The following GOLGA8B variants were observed in gnomAD, a reference collection of about 807,000 sequenced individuals.
The protein encoded by GOLGA8B is golgin A8 family member B.
GOLGA8B carries 1 observed loss-of-function variant against 15.6 expected under a neutral mutation model. The ratio of observed to expected loss-of-function variants is 0.06; its 90% CI spans 0.02 to 0.30. The LOEUF (loss-of-function observed/expected upper bound fraction) is 0.30. Among genes scored for constraint, GOLGA8B ranks in the 10% least tolerant of loss-of-function variants. The probability of loss-of-function intolerance (pLI) is 1.00; values close to 1 mark genes in which losing one functional copy is unlikely to be tolerated. For synonymous variants in GOLGA8B, 9 were observed against 80.3 expected (o/e 0.11, Z 4.75); for missense variants, 17 against 201.3 (o/e 0.08, Z 5.54).
intron 4 of GOLGA8B, among the ~76,000 whole-genome samples, chr15:34,550,846 T>A (rs1392556145): frequency 7.1e-6 from 1 of 140,224 alleles, no homozygotes; most frequent in African/African-American, 2.8e-5. Flanking sequence ...ATCTAAAAAA[T>A]TAGCCTGGTG....
At chr15:34,576,042 G>C (rs1257593873) in intron 1 of GOLGA8B, among the ~76,000 whole-genome samples, 2 of 152,234 alleles carry the variant, frequency 1.3e-5, no homozygotes, top group Non-Finnish European at 2.9e-5. Flanking sequence ...ACTGAGAGGT[G>C]AATGACGGGA....
Position 34,575,103 on chromosome 15 carries a change from T to C in GOLGA8B, c.-1123+8413A>G, listed in dbSNP as rs2044606756. Among the ~76,000 whole-genome samples, 6 of 78,928 alleles carry C rather than the reference T, an allele frequency of 7.6e-5. No homozygotes were observed. The South Asian group carries it at 2.7e-3, about 36-fold the overall frequency. 51.8% of individuals were successfully genotyped at this position (78,928 alleles called of 152,430 possible). On this transcript the variant is annotated intron_variant, in intron 1 of 23. Coordinates refer to ENST00000683415, the MANE Select transcript of GOLGA8B (RefSeq NM_001023567.5). ...TTTAATCTAGAAATCCTATAAATCC[T>C]TGTAAAAAAAAAAAAAAGAAGGGTA...
intron 7 of GOLGA8B, among the ~76,000 whole-genome samples, chr15:34,542,560 G>GT (rs1888224398): frequency 6.6e-6 from 1 of 151,776 alleles, no homozygotes; most frequent in South Asian, 2.1e-4. Context: ...TCTCCCTGTG[G>GT]TTTTATCAGT....
At chr15:34,578,599 T>C (rs189217631) in intron 1 of GOLGA8B, among the ~76,000 whole-genome samples, 1 of 152,332 alleles carries the variant, frequency 6.6e-6, no homozygotes. Flanking sequence ...CCCAGCCTCC[T>C]CGTCGCGAAG....
chr15:34,525,788 T>A lies in GOLGA8B; in HGVS notation c.*1844A>T, dbSNP rs11558446. 18,756 of 149,146 alleles carry A rather than the reference T, an allele frequency of 0.13. 2,551 individuals carry two copies. The highest frequency in any genetic ancestry group is 0.19 in the Non-Finnish European group (12,499 of 66,974). The allele number at this position is 149,146 out of a possible 1,614,324, so 9.2% of individuals were successfully genotyped here. ...CCCTCTTTCAGTGAATGCCGGCAAA[T>A]CTGTTATTCCATTGGCAAAATCGTA... On this transcript the variant is annotated 3_prime_UTR_variant, in exon 24 of 24. Transcript: ENST00000683415.
intron 1 of GOLGA8B, among the ~76,000 whole-genome samples, chr15:34,560,993 G>A (rs1232432035): frequency 1.4e-5 from 2 of 145,588 alleles, no homozygotes. Context: ...TGCAGCTCTG[G>A]GGGCTGTAAG....
chr15:34,582,385 A>G (rs2140359797), intron 1 of GOLGA8B, among the ~76,000 whole-genome samples: 1 of 152,360 alleles, frequency 6.6e-6, no homozygotes, highest in Admixed American at 6.5e-5. Context: ...ACGAGGAAGA[A>G]AATAGAAACA....
chr15:34,580,888 T>C (rs956939579), intron 1 of GOLGA8B, among the ~76,000 whole-genome samples: 2 of 152,028 alleles, frequency 1.3e-5, no homozygotes, highest in Non-Finnish European at 2.9e-5. Flanking sequence ...CCTACCTGTG[T>C]CTCCATGTTC....
chr15:34,574,425 T>C (rs561035927), intron 1 of GOLGA8B, among the ~76,000 whole-genome samples: 1 of 151,612 alleles, frequency 6.6e-6, no homozygotes, highest in East Asian at 1.9e-4. Flanking sequence ...CACCTCAGCC[T>C]CCCAAGTAGC....
chr15:34,577,979 G>A (rs533980629), intron 1 of GOLGA8B, among the ~76,000 whole-genome samples: 1 of 152,222 alleles, frequency 6.6e-6, no homozygotes, highest in East Asian at 1.9e-4. Context: ...GAATTTTTGA[G>A]CCCCATGATA....
chr15:34,561,099 C>G (rs1165628612), intron 1 of GOLGA8B, among the ~76,000 whole-genome samples: 2 of 145,316 alleles, frequency 1.4e-5, no homozygotes, highest in Non-Finnish European at 3.0e-5. Flanking sequence ...GGTTGATGGG[C>G]AGCTGCCTCT....
In GOLGA8B at chr15:34,583,529, G is replaced by A. The variant is rs1266609260; in HGVS notation, c.-1136C>T. ...TCCCCAGCTTACCTGGCCAGGGCGC[G>A]GGGCTGCCCCGGTCCGCCGCCGTCC... On this transcript the variant is annotated 5_prime_UTR_variant, in exon 1 of 24. Transcript: ENST00000683415. 6 of 101,036 alleles carry A rather than the reference G, an allele frequency of 5.9e-5. No individual in the cohort carries two copies. Among genetic ancestry groups the A allele is most frequent in the African/African-American group, 2.5e-4 (5 of 19,686 alleles). 6.3% of individuals were successfully genotyped at this position (101,036 alleles called of 1,614,324 possible).
At position 34,559,209 on chromosome 15, in the gene GOLGA8B, G is replaced by C. The variant is rs1379335124; in HGVS notation, c.-1122-5253C>G. On this transcript the variant is annotated intron_variant, in intron 1 of 23. Coordinates refer to ENST00000683415, the MANE Select transcript of GOLGA8B (RefSeq NM_001023567.5). The stretch of plus-strand genomic sequence containing the variant: ...CCACTTCTCTGAGGCACCCACAGTA[G>C]AGTCACAGAGACAGGAAGTAGAATG... Among the ~76,000 whole-genome samples the C allele has an allele frequency of 2.0e-5, 3 of 147,024 alleles. No individual in the cohort carries two copies. The South Asian group carries it at 6.8e-4, about 33-fold the overall frequency.
At chr15:34,565,668 TTTCTTTCTTTC>T in intron 1 of GOLGA8B, among the ~76,000 whole-genome samples, 1 of 2,712 alleles carries the variant, frequency 3.7e-4, no homozygotes, top group Admixed American at 3.0e-3. Context: ...TCTTTCTTTC[TTTCTTTCTTTC>T]TTTTTTTTCT....
At chr15:34,557,676 G>GTGTGTGTGTGTGTGTC (rs895819604) in intron 1 of GOLGA8B, among the ~76,000 whole-genome samples, 2 of 107,756 alleles carry the variant, frequency 1.9e-5, no homozygotes, top group African/African-American at 6.7e-5. Flanking sequence ...GTGTGTGTGT[G>GTGTGTGTGTGTGTGTC]TGTGTGTCTG....
chr15:34,525,111 CTTTT>C lies in GOLGA8B; in HGVS notation c.*2517_*2520del. The C allele has an allele frequency of 6.7e-6, 1 of 149,540 alleles. No homozygotes were observed. The highest frequency in any genetic ancestry group is 2.0e-4 in the East Asian group (1 of 5,094). The allele number at this position is 149,540 out of a possible 1,614,324, so 9.3% of individuals were successfully genotyped here. On this transcript the variant is annotated 3_prime_UTR_variant, in exon 24 of 24. Transcript: ENST00000683415. ...CCCCATAACTTTTTTAATCCCATAC[CTTTT>C]TTATTTTGTGTTCTTTTAATAAACA...
rs572888394 is a variant in GOLGA8B at position 34,527,162 on chromosome 15, A to G, written c.*470T>C. 323 of 297,762 alleles carry G rather than the reference A, an allele frequency of 1.1e-3. 20 individuals are homozygous for G. The highest frequency in any genetic ancestry group is 4.7e-3 in the Middle Eastern group (4 of 850). 18.4% of individuals were successfully genotyped at this position (297,762 alleles called of 1,614,324 possible). ...CAGTGCACACTTGAGGGCAAACCGC[A>G]TATTGAGCTATGGAAGAGCTCACTG... On this transcript the variant is annotated 3_prime_UTR_variant, in exon 24 of 24. Transcript: ENST00000683415.
chr15:34,570,570 A>G (rs1277074840), intron 1 of GOLGA8B, among the ~76,000 whole-genome samples: 1 of 116,106 alleles, frequency 8.6e-6, no homozygotes, highest in East Asian at 2.2e-4. Flanking sequence ...GTGGACTAGT[A>G]TCAAACACCC....
intron 1 of GOLGA8B, among the ~76,000 whole-genome samples, chr15:34,556,998 C>T (rs1196653856): frequency 6.9e-6 from 1 of 145,514 alleles, no homozygotes; most frequent in Non-Finnish European, 1.5e-5. Flanking sequence ...GCTCCGGCCA[C>T]TCTTAAGCTC....
Sources: gnomAD v4.1 joint callset for allele counts (sites outside exome capture counted in the v4.1 genomes callset) on GRCh38, gnomAD v4.1.1 for gene constraint, MANE v1.5 for transcripts, NCBI Gene and HGNC (gene_info 2026-07-23, HGNC 2026-07-21) for gene names.